FXR2: variants seen among roughly 807,000 people sequenced by gnomAD.
FXR2 encodes FMR1 autosomal homolog 2.
FXR2 carries 9 observed loss-of-function variants against 87.3 expected under a neutral mutation model. The ratio of observed to expected loss-of-function variants is 0.10; its 90% confidence interval spans 0.06 to 0.18. The LOEUF is 0.18. FXR2 is among the 10% of genes least tolerant of loss of function. FXR2 has a pLI of 1.00. For missense variants in FXR2, 661 were observed against 893.6 expected, an observed-to-expected ratio of 0.74 and a Z score of 3.32; for synonymous variants, 331 against 328.3, an observed-to-expected ratio of 1.01 and a Z score of -0.09.
Position 7,604,076 on chromosome 17 carries a change from T to C in FXR2, c.233A>G (p.Tyr78Cys). The change falls in exon 4 of 17, where the codon TAT becomes TGT. Residue 78 changes from tyrosine (Y) to cysteine (C), a missense_variant. Physicochemically the swap from Tyr to Cys is radical, Grantham distance 194. Transcript: ENST00000250113. ...AGGTTCCTGTTCATTGGCTCGAGAA[T>C]AAACCTAAAGAAAAGTAGAGAATCA... ...EITEGDEVEV[Y>C]SRANEQEPCG... 8 of 1,566,798 alleles carry C rather than the reference T, an allele frequency of 5.1e-6. No homozygotes were observed. Among genetic ancestry groups the C allele is most frequent in the South Asian group, 1.2e-5 (1 of 84,960 alleles).
rs1397057339 is a variant in FXR2 at position 7,593,945 on chromosome 17, C to T, written c.1080G>A (p.Leu360=). Residue 360 remains leucine, a synonymous_variant, in exon 11 of 17, where the codon TTG becomes TTA. Coordinates refer to ENST00000250113, the MANE Select transcript of FXR2 (RefSeq NM_004860.4). The surrounding 1 kb of genome is among the most constrained non-coding windows in gnomAD (Gnocchi z 6.1). ...GCAGGTAGGAGAGGTGATACTCCAG[C>T]AAAGCCTGGGCATTGCTGATGTTCT... is the stretch of plus-strand genomic sequence containing the variant. ...TRENISNAQA[L]LEYHLSYLQE... is the part of the protein sequence containing the mutation. 1 of 1,611,674 alleles carries T rather than the reference C, an allele frequency of 6.2e-7. No individual in the cohort carries two copies. Among genetic ancestry groups the T allele is most frequent in the Non-Finnish European group, 8.5e-7 (1 of 1,177,768 alleles).
chr17:7,614,095 T>A (rs944576773), intron 1 of FXR2: 1 of 506,032 alleles, frequency 2.0e-6, no homozygotes, highest in Non-Finnish European at 3.8e-6. Flanking sequence ...GTGGGGAAGA[T>A]GTGATTAAGG....
intron 1 of FXR2, 75 bp downstream of exon 1, chr17:7,614,377 C>G: frequency 9.0e-7 from 1 of 1,108,898 alleles, no homozygotes; most frequent in Non-Finnish European, 1.3e-6. Flanking sequence ...GAAGCTCGAT[C>G]CCGCCCCACG....
intron 1 of FXR2, chr17:7,613,838 G>T (rs953433355): frequency 1.7e-5 from 6 of 349,336 alleles, no homozygotes; most frequent in Non-Finnish European, 2.8e-5. Flanking sequence ...GCCACCTTAT[G>T]GCTGGCTGGG....
Position 7,603,846 on chromosome 17 carries a change from C to T in FXR2, c.360G>A (p.Glu120=), listed in dbSNP as rs535477306. 1 of 1,613,950 alleles carries T rather than the reference C, an allele frequency of 6.2e-7. No individual in the cohort carries two copies. The highest frequency in any genetic ancestry group is 2.2e-5 in the East Asian group (1 of 44,884). The change falls in exon 5 of 17, where the codon GAG becomes GAA. Residue 120 remains glutamate, a synonymous_variant. Transcript: ENST00000250113. ...GATTGGGATTAACTGGCCGAAGTCGCTCCAGGGTAACAATTTCATTGTAGG... is the reference window on the plus strand; with the variant it reads ...GATTGGGATTAACTGGCCGAAGTCGTTCCAGGGTAACAATTTCATTGTAGG... The part of the protein sequence containing the change: ...DATYNEIVTL[E]RLRPVNPNPL...
intron 6 of FXR2, among the ~76,000 whole-genome samples, chr17:7,602,430 C>G (rs530265957): frequency 6.6e-6 from 1 of 151,974 alleles, no homozygotes; most frequent in African/African-American, 2.4e-5. Context: ...TAGCCAGGCG[C>G]AATGGCAGGC....
chr17:7,603,759 T>C lies in FXR2; in HGVS notation c.447A>G (p.Glu149=). 6.2e-7 allele frequency: 1 copy of C among 1,613,850 alleles called. No homozygotes were observed. Among genetic ancestry groups the C allele is most frequent in the Non-Finnish European group, 8.5e-7 (1 of 1,179,796 alleles). Reference sequence around the variant, plus strand: ...TTCCCACCATCCTTAACACTCACGCTTCTCTCAGATCCTCGGGCACAGCCA... The same window carrying C: ...TTCCCACCATCCTTAACACTCACGCCTCTCTCAGATCCTCGGGCACAGCCA... ...VTMAVPEDLR[E]ACSNENVHKE... is the part of the protein sequence containing the mutation. The change falls in exon 5 of 17, where the codon GAA becomes GAG. Residue 149 remains glutamate, a splice_region_variant and synonymous_variant. Transcript: ENST00000250113.
Position 7,605,629 on chromosome 17 carries a change from A to C in FXR2, c.228+16T>G, listed in dbSNP as rs1353245168. The C allele has an allele frequency of 2.3e-6, 3 of 1,279,512 alleles. No homozygotes were observed. In the South Asian group the frequency reaches 3.7e-5, roughly 16 times the overall value. 79.3% of individuals were successfully genotyped at this position (1,279,512 alleles called of 1,614,324 possible). ...GGAAAAGTGACATTTAGAAAGGTGT[A>C]CTCCACAGCCCTTACCTCCACTTCA... On this transcript the variant is annotated intron_variant, in intron 3 of 16. Transcript: ENST00000250113.
intron 3 of FXR2, 88 bp downstream of exon 3, chr17:7,605,557 G>C: frequency 1.4e-6 from 1 of 706,818 alleles, no homozygotes; most frequent in Admixed American, 2.3e-5. Context: ...TGGCTTAGTT[G>C]GGGAGGAAGG....
intron 1 of FXR2, among the ~76,000 whole-genome samples, chr17:7,609,982 A>ATACATACATGTATACGTATACATGTATG (rs1567753931): frequency 2.4e-5 from 1 of 42,204 alleles, no homozygotes; most frequent in Non-Finnish European, 7.0e-5. Flanking sequence ...ATGTATACAT[A>ATACATACATGTATACGTATACATGTATG]TATATATACA....
intron 1 of FXR2, among the ~76,000 whole-genome samples, chr17:7,609,007 G>A (rs2071827396): frequency 6.6e-6 from 1 of 152,218 alleles, no homozygotes; most frequent in African/African-American, 2.4e-5. Context: ...TATTTAGGAG[G>A]CTAAGGTGGG....
chr17:7,594,545 C>T lies in FXR2; in HGVS notation c.910+134G>A. 1.4e-6 allele frequency: 1 copy of T among 736,326 alleles called. No individual in the cohort carries two copies. Among genetic ancestry groups the T allele is most frequent in the Non-Finnish European group, 2.4e-6 (1 of 414,696 alleles). The allele number at this position is 736,326 out of a possible 1,614,324, so 45.6% of individuals were successfully genotyped here. A position where few individuals can be genotyped will look rare whatever the true frequency, so the allele number is the denominator to read the frequency against. ...ATTTATTCTTTCATTTTTATCACTC[C>T]CATTACAGACTGTTTCTCTGTCCTT... is the stretch of plus-strand genomic sequence containing the variant. On this transcript the variant is annotated intron_variant, in intron 9 of 16. Transcript: ENST00000250113. This position sits in a 1 kb window ranked among gnomAD's most constrained non-coding sequence, Gnocchi z 5.1.
intron 7 of FXR2, among the ~76,000 whole-genome samples, chr17:7,600,087 G>A (rs2071741422): frequency 6.6e-6 from 1 of 151,492 alleles, no homozygotes; most frequent in Non-Finnish European, 1.5e-5. Context: ...TAGTAGAGAC[G>A]GGGTTTCACC....
At chr17:7,601,618 G>A (rs943958333) in intron 6 of FXR2, 93 bp from the exon 7 acceptor site, 12 of 788,026 alleles carry the variant, frequency 1.5e-5, no homozygotes, top group South Asian at 2.9e-5. Flanking sequence ...CCTAAGTCCC[G>A]GGAAAAGGGT....
At position 7,592,484 on chromosome 17, in the gene FXR2, G is replaced by GGT; in HGVS notation, c.1825+18_1825+19dup. 1 of 1,605,022 alleles carries GGT rather than the reference G, an allele frequency of 6.2e-7. No individual in the cohort carries two copies. Among genetic ancestry groups the GGT allele is most frequent in the Non-Finnish European group, 8.5e-7 (1 of 1,171,724 alleles). On this transcript the variant is annotated intron_variant, in intron 15 of 16. Coordinates refer to ENST00000250113, the MANE Select transcript of FXR2 (RefSeq NM_004860.4). This position sits in a 1 kb window ranked among gnomAD's most constrained non-coding sequence, Gnocchi z 4.8. ...TCTCTCAGCTCTGAGGAAGGATTCT[G>GGT]GTGTCCAGAGTTGGCTGACCTGGCT...
In FXR2 at chr17:7,601,443, A is replaced by C. The variant is rs754587605; in HGVS notation, c.626T>G (p.Met209Arg). 1.1e-5 allele frequency: 17 copies of C among 1,612,034 alleles called. No homozygotes were observed. The African/African-American group carries it at 2.3e-4, about 22-fold the overall frequency. The change falls in exon 7 of 17, where the codon ATG becomes AGG. Residue 209 changes from methionine (M) to arginine (R), a missense_variant. Coordinates refer to ENST00000250113, the MANE Select transcript of FXR2 (RefSeq NM_004860.4). ...FRSLRTKLLL[M>R]SRNEEATKHL... ...CTTGGTAGCTTCTTCATTGCGGGAC[A>C]TAAGTAGCAGTTTGGTGCGCAGGCT...
At chr17:7,598,749 C>T (rs1033940622) in intron 7 of FXR2, among the ~76,000 whole-genome samples, 2 of 152,198 alleles carry the variant, frequency 1.3e-5, no homozygotes, top group African/African-American at 4.8e-5. Flanking sequence ...TGGGTCATGT[C>T]TATAATCCCA....
chr17:7,594,819 A>G lies in FXR2; in HGVS notation c.832-62T>C, dbSNP rs1400278529. The G allele has an allele frequency of 9.9e-7, 1 of 1,007,996 alleles. No homozygotes were observed. The allele number at this position is 1,007,996 out of a possible 1,614,324, so 62.4% of individuals were successfully genotyped here. Reference sequence around the variant, plus strand: ...GAAGACCAGCTGGATGTGGTGGCTCACGCCTGTAATCCCAGCACTTTGGGA... The same window carrying G: ...GAAGACCAGCTGGATGTGGTGGCTCGCGCCTGTAATCCCAGCACTTTGGGA... On this transcript the variant is annotated intron_variant, in intron 8 of 16. Coordinates refer to ENST00000250113, the MANE Select transcript of FXR2 (RefSeq NM_004860.4). The surrounding 1 kb of genome is among the most constrained non-coding windows in gnomAD (Gnocchi z 5.1).
chr17:7,594,879 T>G lies in FXR2; in HGVS notation c.832-122A>C. Reference sequence around the variant, plus strand: ...CAGGTGGATAAATTGAGCTCAAGAGTTCAAGACTAGCCTGGGCAATATGGT... The same window carrying G: ...CAGGTGGATAAATTGAGCTCAAGAGGTCAAGACTAGCCTGGGCAATATGGT... On this transcript the variant is annotated intron_variant, in intron 8 of 16. Transcript: ENST00000250113. This position sits in a 1 kb window ranked among gnomAD's most constrained non-coding sequence, Gnocchi z 5.1. 1.4e-6 allele frequency: 1 copy of G among 702,260 alleles called. No homozygotes were observed. Among genetic ancestry groups the G allele is most frequent in the Non-Finnish European group, 2.6e-6 (1 of 387,206 alleles). 43.5% of individuals were successfully genotyped at this position (702,260 alleles called of 1,614,324 possible). A position where few individuals can be genotyped will look rare whatever the true frequency, so the allele number is the denominator to read the frequency against.
Sources: allele counts gnomAD v4.1 joint callset (sites outside exome capture counted in the v4.1 genomes callset), GRCh38; gene constraint gnomAD v4.1.1; non-coding constraint Gnocchi (gnomAD v3.1); transcripts MANE v1.5; gene names NCBI Gene and HGNC (gene_info 2026-07-23, HGNC 2026-07-21).